Variants in DIP2C observed in about 807,000 individuals in gnomAD.
DIP2C encodes DIP2 acetate--CoA ligase C (putative).
DIP2C carries 33 observed loss-of-function variants against 192.4 expected under a neutral mutation model. The ratio of observed to expected loss-of-function variants is 0.17; its 90% CI spans 0.13 to 0.23. DIP2C has a LOEUF of 0.23. Among genes scored for constraint, DIP2C ranks in the 10% least tolerant of loss-of-function variants. The pLI, the probability that DIP2C is intolerant of heterozygous loss-of-function variation, is 1.00. For synonymous variants in DIP2C, 979 were observed against 864.1 expected (o/e 1.13, Z -2.33); for missense variants, 1,537 against 2,110.1 (o/e 0.73, Z 5.32).
intron 3 of DIP2C, among the ~76,000 whole-genome samples, chr10:457,428 C>CT (rs1167486147): frequency 6.6e-6 from 1 of 152,250 alleles, no homozygotes; most frequent in East Asian, 1.9e-4. Context: ...CAACAGCCCC[C>CT]TAACCTGTTT....
intron 1 of DIP2C, among the ~76,000 whole-genome samples, chr10:602,365 C>T (rs1398730781): frequency 3.9e-5 from 6 of 152,190 alleles, no homozygotes; most frequent in Admixed American, 2.6e-4. Flanking sequence ...ACCATCGCAG[C>T]CCTAACACCA....
At chr10:676,728 T>A (rs755450581) in intron 1 of DIP2C, among the ~76,000 whole-genome samples, 1 of 152,044 alleles carries the variant, frequency 6.6e-6, no homozygotes, top group Non-Finnish European at 1.5e-5. Flanking sequence ...AAGATCTCTA[T>A]GAGGAAAATA....
chr10:680,965 A>C (rs953317751), intron 1 of DIP2C, among the ~76,000 whole-genome samples: 1 of 148,924 alleles, frequency 6.7e-6, no homozygotes, highest in African/African-American at 2.5e-5. Flanking sequence ...TGCAGACCCC[A>C]GTTGCATGGT....
intron 17 of DIP2C, among the ~76,000 whole-genome samples, chr10:372,773 G>C (rs564470804): frequency 8.5e-4 from 128 of 151,374 alleles, no homozygotes; most frequent in African/African-American, 2.0e-3. Flanking sequence ...ACACAGGTGG[G>C]CACAGAAGCG....
At chr10:413,888 G>A in intron 8 of DIP2C, 25 bp downstream of exon 8, 1 of 1,607,772 alleles carries the variant, frequency 6.2e-7, no homozygotes, top group Non-Finnish European at 8.5e-7. Context: ...GTGGGCAAAG[G>A]GCAGAGAGTG....
intron 17 of DIP2C, among the ~76,000 whole-genome samples, chr10:379,188 C>A (rs1241917472): frequency 2.4e-4 from 3 of 12,666 alleles, no homozygotes; most frequent in Non-Finnish European, 7.4e-4. Context: ...AGTGCCACGC[C>A]CCCCCCCCCC....
At chr10:535,542 T>G (rs1180880475) in intron 1 of DIP2C, among the ~76,000 whole-genome samples, 1 of 151,978 alleles carries the variant, frequency 6.6e-6, no homozygotes, top group Non-Finnish European at 1.5e-5. Context: ...TATTTTACCT[T>G]AAGCTAAAAA....
intron 1 of DIP2C, among the ~76,000 whole-genome samples, chr10:544,644 G>GTA (rs1410676773): frequency 6.6e-6 from 1 of 152,126 alleles, no homozygotes; most frequent in Admixed American, 6.5e-5. Context: ...TTGTGAAGTG[G>GTA]TATCTCACGG....
intron 1 of DIP2C, among the ~76,000 whole-genome samples, chr10:521,013 A>G (rs1464907426): frequency 1.3e-5 from 2 of 152,258 alleles, no homozygotes; most frequent in Non-Finnish European, 1.5e-5. Context: ...AAATGGAAAT[A>G]TGACAAGTAG....
rs564551007 is a variant in DIP2C, at chr10:435,531, A to T, written c.394+5340T>A. On this transcript the variant is annotated intron_variant, in intron 4 of 36. Coordinates refer to ENST00000280886, the MANE Select transcript of DIP2C (RefSeq NM_014974.3). ...TGTCAATTCCAGTTCAGGTTTTCCAATCCCAGCGGGGGTTCCTTGGAGCTT... is the reference window on the plus strand; with the variant it reads ...TGTCAATTCCAGTTCAGGTTTTCCATTCCCAGCGGGGGTTCCTTGGAGCTT... 4.9e-4 allele frequency among the ~76,000 whole-genome samples: 75 copies of T among 152,334 alleles called. 1 individual carries two copies. In the South Asian group the frequency reaches 0.015, roughly 31 times the overall value.
At chr10:679,413 G>T (rs75918124) in intron 1 of DIP2C, among the ~76,000 whole-genome samples, 10 of 14,696 alleles carry the variant, frequency 6.8e-4, no homozygotes, top group African/African-American at 1.4e-3. Flanking sequence ...CCCACACCCA[G>T]GCTCCCCGCG....
At chr10:449,936 AG>A (rs569406142) in intron 3 of DIP2C, among the ~76,000 whole-genome samples, 9,091 of 133,886 alleles carry the variant, frequency 0.068, 629 homozygotes, top group African/African-American at 0.22. Context: ...AAAAAAAAAA[AG>A]AAAATCTGAG....
At chr10:674,232 G>C (rs1159562017) in intron 1 of DIP2C, among the ~76,000 whole-genome samples, 1 of 152,084 alleles carries the variant, frequency 6.6e-6, no homozygotes, top group South Asian at 2.1e-4. Context: ...CAGCTGTAAA[G>C]ACACACATAG....
chr10:572,835 A>T (rs1308090596), intron 1 of DIP2C, among the ~76,000 whole-genome samples: 1 of 152,186 alleles, frequency 6.6e-6, no homozygotes, highest in Non-Finnish European at 1.5e-5. Context: ...CTCAAAGACC[A>T]GGGCAGCCAG....
chr10:672,196 C>T (rs1439192185), intron 1 of DIP2C, among the ~76,000 whole-genome samples: 1 of 151,450 alleles, frequency 6.6e-6, no homozygotes, highest in African/African-American at 2.4e-5. Context: ...GACACACGGA[C>T]GAAAGAAACA....
chr10:574,325 G>T (rs750306919), intron 1 of DIP2C, among the ~76,000 whole-genome samples: 1 of 152,178 alleles, frequency 6.6e-6, no homozygotes, highest in African/African-American at 2.4e-5. Context: ...AATAACCAAG[G>T]ATAGGAAACT....
chr10:589,091 A>C (rs752285338), intron 1 of DIP2C, among the ~76,000 whole-genome samples: 5 of 152,034 alleles, frequency 3.3e-5, no homozygotes, highest in Non-Finnish European at 5.9e-5. Context: ...AGTCGCACTG[A>C]AGGTCATTTC....
chr10:600,387 G>T (rs566197495), intron 1 of DIP2C, among the ~76,000 whole-genome samples: 1 of 149,622 alleles, frequency 6.7e-6, no homozygotes, highest in African/African-American at 2.4e-5. Context: ...CTGAATGTGG[G>T]AACATGGAGG....
At chr10:382,069 C>T (rs552281849) in intron 17 of DIP2C, among the ~76,000 whole-genome samples, 6 of 152,264 alleles carry the variant, frequency 3.9e-5, no homozygotes, top group South Asian at 4.1e-4. Context: ...CAAGTGTGTG[C>T]GTATCACACA....
Sources: gnomAD v4.1 joint callset for allele counts (sites outside exome capture counted in the v4.1 genomes callset) on GRCh38, gnomAD v4.1.1 for gene constraint, MANE v1.5 for transcripts, NCBI Gene and HGNC (gene_info 2026-07-23, HGNC 2026-07-21) for gene names.